DLGAP2: variants seen among roughly 807,000 people sequenced by gnomAD.
The protein encoded by DLGAP2 is disks large-associated protein 2.
DLGAP2 carries 26 observed loss-of-function variants against 100.3 expected under a neutral mutation model. The ratio of observed to expected loss-of-function variants is 0.26; its 90% CI spans 0.19 to 0.36. DLGAP2 has a LOEUF of 0.36. Ranked by LOEUF, DLGAP2 falls within the 10% of genes least tolerant of loss-of-function variation. The pLI is 1.00. For missense variants in DLGAP2, 1,858 were observed against 1,453.2 expected, an observed-to-expected ratio of 1.28 and a Z score of -4.53; for synonymous variants, 886 against 630.1, an observed-to-expected ratio of 1.41 and a Z score of -6.08.
At position 1,629,518 on chromosome 8, in the gene DLGAP2, A is replaced by G. The variant is rs957180333; in HGVS notation, c.1590+2631A>G. On this transcript the variant is annotated intron_variant, in intron 7 of 14. Coordinates refer to ENST00000637795, the MANE Select transcript of DLGAP2 (RefSeq NM_001346810.2). ...CTGAGGAAACATTCTATTTCAGCATAAAGTCCAAGATGATATGGGGAGACA... is the reference window on the plus strand; with the variant it reads ...CTGAGGAAACATTCTATTTCAGCATGAAGTCCAAGATGATATGGGGAGACA... Among the ~76,000 whole-genome samples the G allele has an allele frequency of 2.6e-4, 40 of 152,336 alleles. 1 individual carries two copies. Among genetic ancestry groups the G allele is most frequent in the Admixed American group, 1.5e-3 (23 of 15,308 alleles).
chr8:1,336,845 C>T (rs1211993346), intron 3 of DLGAP2, among the ~76,000 whole-genome samples: 1 of 152,100 alleles, frequency 6.6e-6, no homozygotes, highest in Admixed American at 6.6e-5. Context: ...ATGTTTACTG[C>T]AAAGGAATTT....
chr8:1,604,462 A>G (rs1796728556), intron 6 of DLGAP2: 1 of 151,992 alleles, frequency 6.6e-6, no homozygotes, highest in Non-Finnish European at 1.5e-5. Flanking sequence ...ATGTTTATTT[A>G]AAATTTGGAT....
At chr8:936,091 C>T (rs932813210) in intron 2 of DLGAP2, among the ~76,000 whole-genome samples, 12 of 152,056 alleles carry the variant, frequency 7.9e-5, no homozygotes, top group African/African-American at 2.4e-4. Flanking sequence ...GTTGAGCTGC[C>T]GGTGTGTTCT....
intron 3 of DLGAP2, among the ~76,000 whole-genome samples, chr8:1,313,665 A>G (rs544043664): frequency 3.3e-5 from 5 of 152,288 alleles, no homozygotes; most frequent in Admixed American, 6.5e-5. Flanking sequence ...GTCCCGGGAT[A>G]CCTCAAGTCC....
intron 2 of DLGAP2, among the ~76,000 whole-genome samples, chr8:979,039 G>A (rs1399160780): frequency 6.6e-6 from 1 of 152,068 alleles, no homozygotes; most frequent in Admixed American, 6.5e-5. Flanking sequence ...TTCATTCTCC[G>A]CAGGAGTGTT....
At chr8:1,132,425 G>T (rs1472599922) in intron 2 of DLGAP2, among the ~76,000 whole-genome samples, 1 of 152,162 alleles carries the variant, frequency 6.6e-6, no homozygotes, top group Non-Finnish European at 1.5e-5. Flanking sequence ...TGTCTTTCCT[G>T]GGTGGTTAAA....
intron 2 of DLGAP2, among the ~76,000 whole-genome samples, chr8:1,221,643 T>A (rs142955422): frequency 4.1e-4 from 63 of 152,324 alleles, no homozygotes; most frequent in Non-Finnish European, 5.9e-5. Flanking sequence ...TATCAACCTC[T>A]CTGGCAATGT....
At chr8:1,494,571 A>G (rs1178418444) in intron 3 of DLGAP2, among the ~76,000 whole-genome samples, 7 of 152,188 alleles carry the variant, frequency 4.6e-5, no homozygotes, top group Non-Finnish European at 1.0e-4. Context: ...TCTACTAAAA[A>G]TACAAAAATT....
At chr8:1,470,317 C>T (rs950927933) in intron 3 of DLGAP2, among the ~76,000 whole-genome samples, 3 of 152,202 alleles carry the variant, frequency 2.0e-5, no homozygotes, top group African/African-American at 7.2e-5. Context: ...CAATGCCATC[C>T]TTCATCCCTC....
chr8:1,674,268 C>T (rs111368257), intron 10 of DLGAP2, among the ~76,000 whole-genome samples: 2,020 of 152,234 alleles, frequency 0.013, 47 homozygotes, highest in African/African-American at 0.045. Flanking sequence ...TGGTCTCTAA[C>T]GCCTAGGCTC....
At chr8:1,164,247 G>GAACCCCCC (rs1796961624) in intron 2 of DLGAP2, among the ~76,000 whole-genome samples, 1 of 146,692 alleles carries the variant, frequency 6.8e-6, no homozygotes, top group Admixed American at 6.7e-5. Context: ...ATTTTTCTGT[G>GAACCCCCC]AGCCCCCCCA....
chr8:849,189 C>G (rs925228088), intron 1 of DLGAP2, among the ~76,000 whole-genome samples: 2 of 151,964 alleles, frequency 1.3e-5, no homozygotes, highest in African/African-American at 4.8e-5. Context: ...AGTCTAGGAT[C>G]TTGTGGTGCA....
At chr8:1,195,985 G>A (rs1797741660) in intron 2 of DLGAP2, among the ~76,000 whole-genome samples, 2 of 152,238 alleles carry the variant, frequency 1.3e-5, no homozygotes, top group African/African-American at 4.8e-5. Context: ...CTGGGCAGCT[G>A]TGGGGATGCT....
rs1461469766 is a variant in DLGAP2 at position 1,190,512 on chromosome 8, GCAC to G, written c.74-68337_74-68335del. On this transcript the variant is annotated intron_variant, in intron 2 of 14. Transcript: ENST00000637795. ...TTCCCGGCAGCATCTCATGCAGGAG[GCAC>G]CCGTCCCGTTCGACGCCTCTGGCCG... Among the ~76,000 whole-genome samples, 3 of 152,238 alleles carry G rather than the reference GCAC, an allele frequency of 2.0e-5. No individual in the cohort carries two copies. The East Asian group carries it at 5.8e-4, about 29-fold the overall frequency.
chr8:1,273,522 T>C (rs1303380617), intron 3 of DLGAP2, among the ~76,000 whole-genome samples: 1 of 152,184 alleles, frequency 6.6e-6, no homozygotes, highest in East Asian at 1.9e-4. Flanking sequence ...GTTCACGTGC[T>C]CAAGTGTGGA....
intron 2 of DLGAP2, among the ~76,000 whole-genome samples, chr8:1,076,827 C>T (rs554132166): frequency 1.3e-5 from 2 of 151,320 alleles, no homozygotes; most frequent in Admixed American, 6.6e-5. Flanking sequence ...CAGGCCCCCC[C>T]CCAAGACCAA....
chr8:1,256,764 G>A (rs995134782), intron 2 of DLGAP2, among the ~76,000 whole-genome samples: 1 of 152,176 alleles, frequency 6.6e-6, no homozygotes, highest in South Asian at 2.1e-4. Context: ...AAGGGGTGGT[G>A]CCTGCGTTTC....
At chr8:842,398 T>C (rs1466904455) in intron 1 of DLGAP2, among the ~76,000 whole-genome samples, 1 of 152,244 alleles carries the variant, frequency 6.6e-6, no homozygotes, top group Non-Finnish European at 1.5e-5. Context: ...TCCCCTAACC[T>C]AACACAATGC....
chr8:1,255,007 T>TGC (rs1563043347), intron 2 of DLGAP2, among the ~76,000 whole-genome samples: 23 of 32,044 alleles, frequency 7.2e-4, no homozygotes, highest in African/African-American at 2.6e-3. Flanking sequence ...CTCATCCTGC[T>TGC]TGGGCGCTGT....
Sources: gnomAD v4.1 joint callset for allele counts (sites outside exome capture counted in the v4.1 genomes callset) on GRCh38, gnomAD v4.1.1 for gene constraint, MANE v1.5 for transcripts, NCBI Gene and HGNC (gene_info 2026-07-23, HGNC 2026-07-21) for gene names.